The following NDRG3 variants were observed in gnomAD, a reference collection of about 807,000 sequenced individuals.
NDRG3 encodes protein NDRG3.
Under a neutral mutation model 57.2 loss-of-function variants are expected in NDRG3, and 23 were observed. The observed-to-expected ratio is 0.40, with a 90% CI of 0.29 to 0.57. The LOEUF is 0.57. Among genes scored for constraint, NDRG3 ranks in the 20% least tolerant of loss-of-function variants. The pLI is 0.42. For missense variants in NDRG3, 384 were observed against 457.3 expected, an observed-to-expected ratio of 0.84 and a Z score of 1.46; for synonymous variants, 132 against 162.6, an observed-to-expected ratio of 0.81 and a Z score of 1.43.
In NDRG3 at chr20:36,715,020, A is replaced by G. The variant is rs1437456568; in HGVS notation, c.57+6659T>C. On this transcript the variant is annotated intron_variant, in intron 2 of 15. Transcript: ENST00000349004. ...TGTGTGTGTGTGTATATATATATAT[A>G]TATATATATATATATATATATATAT... 1.9e-3 allele frequency among the ~76,000 whole-genome samples: 175 copies of G among 90,304 alleles called. 1 individual carries two copies. Among genetic ancestry groups the G allele is most frequent in the African/African-American group, 6.5e-3 (94 of 14,552 alleles). 59.2% of individuals were successfully genotyped at this position (90,304 alleles called of 152,430 possible).
chr20:36,698,077 T>C (rs533255939), intron 3 of NDRG3, among the ~76,000 whole-genome samples: 1 of 151,084 alleles, frequency 6.6e-6, no homozygotes, highest in Admixed American at 6.6e-5. Context: ...GTGATTTTCC[T>C]GCCTTGGCCT....
intron 1 of NDRG3, among the ~76,000 whole-genome samples, chr20:36,741,447 A>C (rs1985924268): frequency 6.6e-6 from 1 of 152,232 alleles, no homozygotes. Flanking sequence ...TTTTTAATCC[A>C]TAAATATTTT....
chr20:36,712,070 G>C lies in NDRG3; in HGVS notation c.58-5063C>G, dbSNP rs150698293. On this transcript the variant is annotated intron_variant, in intron 2 of 15. Transcript: ENST00000349004. ...TGGGATTACAGGGGATTACAGGTGTGAGCCACCGCACCTGGTTGTTTTTTT... is the reference window on the plus strand; with the variant it reads ...TGGGATTACAGGGGATTACAGGTGTCAGCCACCGCACCTGGTTGTTTTTTT... 4.6e-3 allele frequency among the ~76,000 whole-genome samples: 700 copies of C among 152,210 alleles called. 1 individual carries two copies. Among genetic ancestry groups the C allele is most frequent in the Non-Finnish European group, 7.5e-3 (513 of 68,004 alleles).
At chr20:36,660,282 A>C in intron 13 of NDRG3, 55 bp downstream of exon 13, 1 of 1,309,694 alleles carries the variant, frequency 7.6e-7, no homozygotes. Context: ...TCCAGAAAAT[A>C]TGATTAATCT....
intron 1 of NDRG3, among the ~76,000 whole-genome samples, chr20:36,724,197 A>G (rs1984780705): frequency 6.6e-6 from 1 of 152,154 alleles, no homozygotes; most frequent in African/African-American, 2.4e-5. Flanking sequence ...CCCTCTTATC[A>G]TTTATTCAAG....
intron 1 of NDRG3, among the ~76,000 whole-genome samples, chr20:36,723,021 T>C (rs546861633): frequency 6.6e-6 from 1 of 152,258 alleles, no homozygotes; most frequent in South Asian, 2.1e-4. Flanking sequence ...CTGCTAGCCA[T>C]GTGTGTGAGT....
chr20:36,736,683 CT>C (rs1985625390), intron 1 of NDRG3, among the ~76,000 whole-genome samples: 1 of 152,114 alleles, frequency 6.6e-6, no homozygotes, highest in East Asian at 1.9e-4. Context: ...AGCAAAGGAT[CT>C]CAGGAGACTC....
Position 36,665,044 on chromosome 20 carries a change from A to G in NDRG3, c.810+2T>C. Reference sequence around the variant, plus strand: ...ATCTTCACAGCATGAGGACATACTTACCACAGCCTCAACTGCAGGCGAATT... The same window carrying G: ...ATCTTCACAGCATGAGGACATACTTGCCACAGCCTCAACTGCAGGCGAATT... On this transcript the variant is annotated splice_donor_variant, in intron 12 of 15. Transcript: ENST00000349004. LOFTEE classifies it high-confidence loss of function. The G allele has an allele frequency of 6.2e-7, 1 of 1,614,028 alleles. No homozygotes were observed. The highest frequency in any genetic ancestry group is 8.5e-7 in the Non-Finnish European group (1 of 1,179,902).
chr20:36,724,619 T>G (rs1984808745), intron 1 of NDRG3, among the ~76,000 whole-genome samples: 1 of 152,216 alleles, frequency 6.6e-6, no homozygotes, highest in Non-Finnish European at 1.5e-5. Context: ...ATCAGTTATT[T>G]TAAATGGCAA....
chr20:36,681,655 A>AT (rs1252054580), intron 7 of NDRG3, among the ~76,000 whole-genome samples: 1 of 150,776 alleles, frequency 6.6e-6, no homozygotes, highest in South Asian at 2.1e-4. Context: ...AAAAAAAAAA[A>AT]TTTATAATAG....
chr20:36,697,619 A>G (rs976165829), intron 3 of NDRG3, among the ~76,000 whole-genome samples: 1 of 152,086 alleles, frequency 6.6e-6, no homozygotes, highest in Non-Finnish European at 1.5e-5. Context: ...GAGGCAGAAG[A>G]ATCGCTTGCA....
intron 3 of NDRG3, among the ~76,000 whole-genome samples, chr20:36,693,141 T>TATATATATATATATAC (rs1323122806): frequency 2.9e-5 from 1 of 34,618 alleles, no homozygotes; most frequent in Non-Finnish European, 5.6e-5. Flanking sequence ...TATATATATA[T>TATATATATATATATAC]ACACACACAC....
chr20:36,700,200 A>G (rs1248698463), intron 3 of NDRG3, among the ~76,000 whole-genome samples: 1 of 152,036 alleles, frequency 6.6e-6, no homozygotes, highest in Non-Finnish European at 1.5e-5. Context: ...GATATTCAAA[A>G]GTAAAATTGG....
intron 9 of NDRG3, among the ~76,000 whole-genome samples, chr20:36,667,033 A>C (rs1979693208): frequency 6.6e-6 from 1 of 152,110 alleles, no homozygotes; most frequent in Non-Finnish European, 1.5e-5. Flanking sequence ...ACGGGGTCTC[A>C]CCATGTTGGC....
intron 1 of NDRG3, among the ~76,000 whole-genome samples, chr20:36,734,264 C>A (rs1985496342): frequency 6.6e-6 from 1 of 152,116 alleles, no homozygotes; most frequent in African/African-American, 2.4e-5. Flanking sequence ...ATAAATGGCA[C>A]AGCTGGAACT....
At chr20:36,694,259 G>C (rs193009983) in intron 3 of NDRG3, among the ~76,000 whole-genome samples, 125 of 152,112 alleles carry the variant, frequency 8.2e-4, no homozygotes, top group African/African-American at 2.8e-3. Context: ...AGAAATACAT[G>C]GTAATTTGTC....
chr20:36,683,576 C>CA (rs1981503430), intron 6 of NDRG3, among the ~76,000 whole-genome samples: 1 of 151,550 alleles, frequency 6.6e-6, no homozygotes, highest in African/African-American at 2.4e-5. Context: ...GCGATCGCAC[C>CA]ACTACACTCT....
chr20:36,681,635 CAAAAAAA>C (rs1208145183), intron 7 of NDRG3, among the ~76,000 whole-genome samples: 8 of 79,508 alleles, frequency 1.0e-4, no homozygotes, highest in Non-Finnish European at 2.1e-4. Context: ...GACTTCATCT[CAAAAAAA>C]AAAAAAAAAA....
chr20:36,691,309 A>AT (rs1481567579), intron 3 of NDRG3, among the ~76,000 whole-genome samples: 1 of 152,236 alleles, frequency 6.6e-6, no homozygotes, highest in Non-Finnish European at 1.5e-5. Flanking sequence ...GTGTGACTCA[A>AT]TATTTCTGTT....
Sources: gnomAD v4.1 joint callset for allele counts (sites outside exome capture counted in the v4.1 genomes callset) on GRCh38, gnomAD v4.1.1 for gene constraint, MANE v1.5 for transcripts, NCBI Gene and HGNC (gene_info 2026-07-23, HGNC 2026-07-21) for gene names.